The following CENPE variants were observed in gnomAD, a reference collection of about 807,000 sequenced individuals.
CENPE encodes the protein centromere protein E, also known as centromere-associated protein E.
Under a neutral mutation model 336.1 loss-of-function variants are expected in CENPE, and 145 were observed. The ratio of observed to expected loss-of-function variants is 0.43; its 90% CI spans 0.38 to 0.50. CENPE has a LOEUF of 0.50. CENPE is among the 20% of genes least tolerant of loss of function. The probability of loss-of-function intolerance (pLI) is 0.00; values close to 1 mark genes in which losing one functional copy is unlikely to be tolerated. For missense variants in CENPE, 2,719 were observed against 3,023.3 expected, an observed-to-expected ratio of 0.90 and a Z score of 2.36; for synonymous variants, 1,013 against 984.8, an observed-to-expected ratio of 1.03 and a Z score of -0.54.
chr4:103,191,499 G>A (rs1320569688), intron 8 of CENPE, among the ~76,000 whole-genome samples: 1 of 152,070 alleles, frequency 6.6e-6, no homozygotes, highest in Non-Finnish European at 1.5e-5. Context: ...TCCTTTGTAG[G>A]GACATGGATG....
chr4:103,131,657 G>C (rs991692806), intron 42 of CENPE, among the ~76,000 whole-genome samples: 1 of 152,196 alleles, frequency 6.6e-6, no homozygotes, highest in Non-Finnish European at 1.5e-5. Context: ...ACATATGTAT[G>C]TTTATAGCAG....
rs376177177 is a variant in CENPE at position 103,120,248 on chromosome 4, T to C, written c.7229A>G (p.Glu2410Gly). The C allele has an allele frequency of 1.9e-6, 3 of 1,612,916 alleles. No homozygotes were observed. The highest frequency in any genetic ancestry group is 2.5e-6 in the Non-Finnish European group (3 of 1,179,450). Residue 2410 changes from glutamate to glycine, a missense_variant, in exon 44 of 49, where the codon GAA becomes GGA. Physicochemically the swap from Glu to Gly is moderately conservative, Grantham distance 98. Around this residue, in one of 5 missense-constraint regions of CENPE, gnomAD observed 2,437 missense variants for 2,513.3 expected, o/e 0.97. Transcript: ENST00000265148. ...TATTATGTCATTAGTCACCTCAAGT[T>C]CTTTCTGCATCTTTATAATCTTGCT... is the stretch of plus-strand genomic sequence containing the variant. ...KESKIIKMQK[E>G]LEVTNDIIAK...
intron 24 of CENPE, among the ~76,000 whole-genome samples, chr4:103,154,663 G>T (rs1187783575): frequency 1.3e-5 from 2 of 152,002 alleles, no homozygotes; most frequent in African/African-American, 4.8e-5. Flanking sequence ...GATAGCCAAG[G>T]TTTATTTCAA....
chr4:103,123,620 T>C (rs1750840695), intron 42 of CENPE, among the ~76,000 whole-genome samples: 1 of 152,204 alleles, frequency 6.6e-6, no homozygotes, highest in Non-Finnish European at 1.5e-5. Flanking sequence ...AAGAGAAATT[T>C]GTGCTGTTTT....
intron 29 of CENPE, among the ~76,000 whole-genome samples, 173 bp downstream of exon 29, chr4:103,147,183 T>C (rs1389477500): frequency 6.6e-6 from 1 of 152,220 alleles, no homozygotes; most frequent in Non-Finnish European, 1.5e-5. Flanking sequence ...TTCAATACCT[T>C]CTTGGTATTC....
At chr4:103,192,043 T>C (rs1208782614) in intron 8 of CENPE, among the ~76,000 whole-genome samples, 2 of 151,668 alleles carry the variant, frequency 1.3e-5, no homozygotes, top group Non-Finnish European at 2.9e-5. Flanking sequence ...TGAAGGGGTG[T>C]CTTGTTTATT....
intron 24 of CENPE, 142 bp downstream of exon 24, chr4:103,158,158 T>G: frequency 1.8e-6 from 1 of 570,628 alleles, no homozygotes. Context: ...TTCAAAGGCA[T>G]TAGGGATAAG....
At chr4:103,128,023 C>T (rs887499098) in intron 42 of CENPE, among the ~76,000 whole-genome samples, 1 of 151,946 alleles carries the variant, frequency 6.6e-6, no homozygotes, top group African/African-American at 2.4e-5. Flanking sequence ...ATGTTGTCTA[C>T]AAGAAACCCA....
chr4:103,193,542 G>C (rs1276139888), intron 8 of CENPE, among the ~76,000 whole-genome samples: 1 of 152,008 alleles, frequency 6.6e-6, no homozygotes, highest in Admixed American at 6.6e-5. Context: ...TATGGTAAAA[G>C]ATAGAAAAGG....
At chr4:103,170,529 G>C (rs1461304836) in intron 16 of CENPE, among the ~76,000 whole-genome samples, 1 of 151,094 alleles carries the variant, frequency 6.6e-6, no homozygotes, top group African/African-American at 2.4e-5. Context: ...TAACCACGAA[G>C]GAAAAAAACC....
At chr4:103,115,836 T>G (rs182130533) in intron 45 of CENPE, among the ~76,000 whole-genome samples, 90 of 151,454 alleles carry the variant, frequency 5.9e-4, no homozygotes, top group African/African-American at 2.0e-3. Context: ...GTTCACACCA[T>G]TCTCCTGCCT....
Position 103,143,314 on chromosome 4 carries a change from C to T in CENPE, c.5238G>A (p.Glu1746=). The T allele has an allele frequency of 6.2e-7, 1 of 1,605,310 alleles. No homozygotes were observed. The highest frequency in any genetic ancestry group is 1.1e-5 in the South Asian group (1 of 90,640). Reference sequence around the variant, plus strand: ...GCATATTTGATATTTCATTTGTTTTCTCTGAAACAATCCCTCTTAGTTTAT... The same window carrying T: ...GCATATTTGATATTTCATTTGTTTTTTCTGAAACAATCCCTCTTAGTTTAT... The part of the protein sequence containing the change: ...TIDKLRGIVS[E]KTNEISNMQK... The change falls in exon 34 of 49, where the codon GAG becomes GAA. Residue 1746 remains glutamate (E), a synonymous_variant. Coordinates refer to ENST00000265148, the MANE Select transcript of CENPE (RefSeq NM_001813.3).
At position 103,180,419 on chromosome 4, in the gene CENPE, T is replaced by C. The variant is rs1756230806; in HGVS notation, c.1134A>G (p.Gln378=). 6.2e-6 allele frequency: 10 copies of C among 1,612,920 alleles called. No individual in the cohort carries two copies. Among genetic ancestry groups the C allele is most frequent in the East Asian group, 2.2e-5 (1 of 44,816 alleles). ...GAAGCAAATCTTTTTCTTCCAAAAG[T>C]TGGGCCAATTGGTCTTTTTCCATTG... ...AQAMEKDQLA[Q]LLEEKDLLQK... is the part of the protein sequence containing the mutation. The change falls in exon 13 of 49, where the codon CAA becomes CAG. Residue 378 remains glutamine (Q), a synonymous_variant. Transcript: ENST00000265148.
At chr4:103,119,628 A>G (rs966123807) in intron 44 of CENPE, among the ~76,000 whole-genome samples, 2 of 152,210 alleles carry the variant, frequency 1.3e-5, no homozygotes, top group African/African-American at 2.4e-5. Context: ...AGACTCGAGT[A>G]GAAGAAATGT....
intron 26 of CENPE, among the ~76,000 whole-genome samples, chr4:103,150,205 G>A (rs554756116): frequency 2.1e-3 from 326 of 152,194 alleles, no homozygotes; most frequent in African/African-American, 7.3e-3. Flanking sequence ...TTTTTTATAG[G>A]AGTATGAAAT....
At position 103,140,805 on chromosome 4, in the gene CENPE, A is replaced by G; in HGVS notation, c.5754+9T>C. 8 of 1,568,700 alleles carry G rather than the reference A, an allele frequency of 5.1e-6. No homozygotes were observed. Among genetic ancestry groups the G allele is most frequent in the Non-Finnish European group, 6.9e-6 (8 of 1,163,388 alleles). On this transcript the variant is annotated intron_variant, in intron 36 of 48. Transcript: ENST00000265148. ...TATAATGGTAGGGTAAAGAGAGAAC[A>G]CAACTCACTCTAGCTTTGGTTTCTT...
At chr4:103,112,233 T>C (rs1415579842) in intron 46 of CENPE, among the ~76,000 whole-genome samples, 1 of 148,144 alleles carries the variant, frequency 6.8e-6, no homozygotes, top group Non-Finnish European at 1.5e-5. Flanking sequence ...TGTAAATATA[T>C]AAGTATTATA....
rs752365521 is a variant in CENPE at position 103,158,761 on chromosome 4, C to T, written c.2727G>A (p.Glu909=). 1.2e-6 allele frequency: 2 copies of T among 1,613,180 alleles called. No homozygotes were observed. The highest frequency in any genetic ancestry group is 1.7e-6 in the Non-Finnish European group (2 of 1,179,498). The stretch of plus-strand genomic sequence containing the variant: ...GCAGTTTCTCAGTAATCAGTGTTTT[C>T]TCCCTTTCTACAGTTTGCAGCGTAG... ...RDSTLQTVER[E]KTLITEKLQQ... The change falls in exon 23 of 49, where the codon GAG becomes GAA. Residue 909 remains glutamate (E), a synonymous_variant. Coordinates refer to ENST00000265148, the MANE Select transcript of CENPE (RefSeq NM_001813.3).
chr4:103,116,666 C>G lies in CENPE; in HGVS notation c.7353G>C (p.Lys2451Asn), dbSNP rs199627155. Residue 2451 changes from lysine (K) to asparagine (N), a missense_variant, in exon 45 of 49, where the codon AAG (lysine) becomes AAC (asparagine). This residue lies in a region of CENPE where 2,437 missense variants were observed against 2,513.3 expected (regional missense o/e 0.97). Transcript: ENST00000265148. ...VLQDKVALGA[K>N]PYKEEIEDLK... ...GATCTTCAATTTCTTCTTTATATGG[C>G]TTAGCTCCTAAAGCAACTTTGTCCT... 6.3e-7 allele frequency: 1 copy of G among 1,582,740 alleles called. No homozygotes were observed. Among genetic ancestry groups the G allele is most frequent in the Non-Finnish European group, 8.6e-7 (1 of 1,167,810 alleles).
Sources: allele counts gnomAD v4.1 joint callset (sites outside exome capture counted in the v4.1 genomes callset), GRCh38; gene constraint gnomAD v4.1.1; regional missense constraint gnomAD v4.1.1; transcripts MANE v1.5; gene names NCBI Gene and HGNC (gene_info 2026-07-23, HGNC 2026-07-21).